Variants in PYGO1 observed in about 807,000 individuals in gnomAD.
PYGO1 encodes pygopus homolog 1.
Under a neutral mutation model 29.5 loss-of-function variants are expected in PYGO1, and 6 were observed. That is an observed-to-expected ratio of 0.20 (90% confidence interval 0.11 to 0.40). The LOEUF (loss-of-function observed/expected upper bound fraction) is 0.40, where lower values mean the gene tolerates loss of function less well. Among genes scored for constraint, PYGO1 ranks in the 10% least tolerant of loss-of-function variants. PYGO1 has a pLI of 1.00. For missense variants in PYGO1, 515 were observed against 514.9 expected, an observed-to-expected ratio of 1.00 and a Z score of 0.00; for synonymous variants, 186 against 180.5, an observed-to-expected ratio of 1.03 and a Z score of -0.24.
rs145321580 is a variant in PYGO1 at position 55,566,052 on chromosome 15, A to G, written c.50-17057T>C. On this transcript the variant is annotated intron_variant, in intron 1 of 2. Transcript: ENST00000563719. ...TGCCTCGGCCTCCCAAAGTGCTGGG[A>G]TTACAGGCGTGAGCCACCGTGTCTG... Among the ~76,000 whole-genome samples, 541 of 152,260 alleles carry G rather than the reference A, an allele frequency of 3.6e-3. 6 individuals carry two copies. Among genetic ancestry groups the G allele is most frequent in the African/African-American group, 0.012 (511 of 41,534 alleles).
chr15:55,553,427 C>T (rs534238148), intron 1 of PYGO1, among the ~76,000 whole-genome samples: 3 of 150,586 alleles, frequency 2.0e-5, no homozygotes, highest in South Asian at 2.1e-4. Context: ...GAAGGAGTTT[C>T]GCTCTGTTGC....
At chr15:55,557,736 C>CA (rs2058912896) in intron 1 of PYGO1, among the ~76,000 whole-genome samples, 1 of 152,110 alleles carries the variant, frequency 6.6e-6, no homozygotes, top group Admixed American at 6.6e-5. Context: ...GAACCAAAGA[C>CA]AAAAACCACA....
At chr15:55,562,313 T>A (rs534853478) in intron 1 of PYGO1, among the ~76,000 whole-genome samples, 4 of 152,174 alleles carry the variant, frequency 2.6e-5, no homozygotes, top group Non-Finnish European at 1.5e-5. Flanking sequence ...AGAAATACCA[T>A]TGGACCCAGC....
At chr15:55,556,349 C>G (rs1373124983) in intron 1 of PYGO1, among the ~76,000 whole-genome samples, 9 of 152,140 alleles carry the variant, frequency 5.9e-5, no homozygotes, top group African/African-American at 1.9e-4. Flanking sequence ...AAGAAATTCA[C>G]TGAAAACCAT....
rs973309957 is a variant in PYGO1 at position 55,588,247 on chromosome 15, CA to C, written c.-365del. On this transcript the variant is annotated 5_prime_UTR_variant, in exon 1 of 3. Transcript: ENST00000563719. ...TCGCCGCCGCCTCAGGAGCCGCTGA[CA>C]GGGGAAGCAGGAGGCTCGCGGCCCG... Among the ~76,000 whole-genome samples the C allele has an allele frequency of 2.0e-5, 3 of 149,204 alleles. No individual in the cohort carries two copies. Among genetic ancestry groups the C allele is most frequent in the African/African-American group, 7.3e-5 (3 of 41,136 alleles).
chr15:55,565,021 G>C (rs938393432), intron 1 of PYGO1, among the ~76,000 whole-genome samples: 1 of 152,128 alleles, frequency 6.6e-6, no homozygotes, highest in Non-Finnish European at 1.5e-5. Flanking sequence ...CTTTCAATGT[G>C]TATCAACTCC....
At chr15:55,588,745 G>T (rs1026444722), upstream of PYGO1, 2 of 1,563,896 alleles carry the variant, frequency 1.3e-6, no homozygotes, top group African/African-American at 2.7e-5. Context: ...GAACTTCGTC[G>T]GAGGCCACAG....
rs1297922378 is a variant in PYGO1, at chr15:55,548,602, A to T, written c.135+308T>A. Among the ~76,000 whole-genome samples, 3 of 150,022 alleles carry T rather than the reference A, an allele frequency of 2.0e-5. 1 individual carries two copies. Among genetic ancestry groups the T allele is most frequent in the African/African-American group, 7.3e-5 (3 of 40,882 alleles). On this transcript the variant is annotated intron_variant, in intron 2 of 2. Transcript: ENST00000563719. ...GTGCCTGTAATTCCAGCTACTTGGG[A>T]GGCTGAGGCAGGAGAATCGCTTCAA...
In PYGO1 at chr15:55,587,921, GA is replaced by G; in HGVS notation, c.-39del. The G allele has an allele frequency of 6.8e-7, 1 of 1,464,484 alleles. No homozygotes were observed. Among genetic ancestry groups the G allele is most frequent in the Non-Finnish European group, 9.0e-7 (1 of 1,106,506 alleles). The allele number at this position is 1,464,484 out of a possible 1,614,324, so 90.7% of individuals were successfully genotyped here. On this transcript the variant is annotated 5_prime_UTR_variant, in exon 1 of 3. Coordinates refer to ENST00000563719, the MANE Select transcript of PYGO1 (RefSeq NM_001367806.1). ...AGCATGACTCCCCCCCAGGCCGCGGGAATTCGGTCTCTTTGATGCTGCGGCG... is the reference window on the plus strand; with the variant it reads ...AGCATGACTCCCCCCCAGGCCGCGGGATTCGGTCTCTTTGATGCTGCGGCG...
intron 1 of PYGO1, among the ~76,000 whole-genome samples, chr15:55,561,331 AT>A (rs2030929148): frequency 6.6e-6 from 1 of 152,136 alleles, no homozygotes; most frequent in Non-Finnish European, 1.5e-5. Context: ...CCCTTCTCAC[AT>A]TGCTATAAAG....
At chr15:55,568,630 G>T (rs1361820248) in intron 1 of PYGO1, among the ~76,000 whole-genome samples, 1 of 152,046 alleles carries the variant, frequency 6.6e-6, no homozygotes, top group Non-Finnish European at 1.5e-5. Flanking sequence ...GTACTGTACT[G>T]AATAGGAGTC....
chr15:55,588,212 T>C lies in PYGO1; in HGVS notation c.-329A>G. 2 of 210,946 alleles carry C rather than the reference T, an allele frequency of 9.5e-6. No individual in the cohort carries two copies. Among genetic ancestry groups the C allele is most frequent in the Non-Finnish European group, 1.6e-5 (2 of 123,894 alleles). 13.1% of individuals were successfully genotyped at this position (210,946 alleles called of 1,614,324 possible). ...CGCCGCCGCCGCCGCCTCCTCCCACTCCTTCTTCTTCGCCGCCGCCTCAGG... is the reference window on the plus strand; with the variant it reads ...CGCCGCCGCCGCCGCCTCCTCCCACCCCTTCTTCTTCGCCGCCGCCTCAGG... On this transcript the variant is annotated 5_prime_UTR_variant, in exon 1 of 3. Coordinates refer to ENST00000563719, the MANE Select transcript of PYGO1 (RefSeq NM_001367806.1).
intron 1 of PYGO1, among the ~76,000 whole-genome samples, chr15:55,564,927 G>C (rs1296912515): frequency 6.6e-6 from 1 of 152,006 alleles, no homozygotes; most frequent in Non-Finnish European, 1.5e-5. Flanking sequence ...TGTGGTTGTA[G>C]GATTAACATC....
At chr15:55,553,445 G>C (rs1427870847) in intron 1 of PYGO1, among the ~76,000 whole-genome samples, 1 of 151,728 alleles carries the variant, frequency 6.6e-6, no homozygotes. Context: ...TGCCAGGCTG[G>C]AGTGCAGTGG....
chr15:55,573,562 A>T (rs1184402088), intron 1 of PYGO1, among the ~76,000 whole-genome samples: 1 of 152,248 alleles, frequency 6.6e-6, no homozygotes, highest in Non-Finnish European at 1.5e-5. Flanking sequence ...ATTATTCACA[A>T]GAGCCAAGAC....
intron 1 of PYGO1, among the ~76,000 whole-genome samples, chr15:55,572,123 T>C (rs1281761741): frequency 3.3e-5 from 5 of 152,180 alleles, no homozygotes; most frequent in African/African-American, 1.2e-4. Flanking sequence ...CTAAGCAATC[T>C]TGACAAACAA....
chr15:55,553,586 T>A (rs577656924), intron 1 of PYGO1, among the ~76,000 whole-genome samples: 20 of 152,218 alleles, frequency 1.3e-4, no homozygotes, highest in Admixed American at 1.2e-3. Context: ...TTTTTTTGTA[T>A]TTTTAGTACA....
At chr15:55,572,268 G>C (rs1249459468) in intron 1 of PYGO1, among the ~76,000 whole-genome samples, 2 of 152,108 alleles carry the variant, frequency 1.3e-5, no homozygotes, top group Non-Finnish European at 2.9e-5. Context: ...ATTAATATTT[G>C]GCAAAGGTAC....
At position 55,541,777 on chromosome 15, in the gene PYGO1, C is replaced by A. The variant is rs1483143625; in HGVS notation, c.*4246G>T. On this transcript the variant is annotated 3_prime_UTR_variant, in exon 3 of 3. Transcript: ENST00000563719. The stretch of plus-strand genomic sequence containing the variant: ...TGGTAAGGGGGCAAATGCAAAGAAA[C>A]CCACACCAAAGAACTTAACCTCCTA... 6.6e-6 allele frequency: 1 copy of A among 152,208 alleles called. No homozygotes were observed. The highest frequency in any genetic ancestry group is 2.4e-5 in the African/African-American group (1 of 41,434). 9.4% of individuals were successfully genotyped at this position (152,208 alleles called of 1,614,324 possible). A position where few individuals can be genotyped will look rare whatever the true frequency, so the allele number is the denominator to read the frequency against.
Sources: allele counts gnomAD v4.1 joint callset (sites outside exome capture counted in the v4.1 genomes callset), GRCh38; gene constraint gnomAD v4.1.1; transcripts MANE v1.5; gene names NCBI Gene and HGNC (gene_info 2026-07-23, HGNC 2026-07-21).